CCND2: variants seen among roughly 807,000 people sequenced by gnomAD.
CCND2 encodes G1/S-specific cyclin-D2.
A neutral mutation model predicts 30.2 loss-of-function variants in CCND2; 6 were observed. The observed-to-expected ratio is 0.20, with a 90% CI of 0.11 to 0.39. The LOEUF is 0.39. Among genes scored for constraint, CCND2 ranks in the 10% least tolerant of loss-of-function variants. The probability of loss-of-function intolerance (pLI) is 1.00; values close to 1 mark genes in which losing one functional copy is unlikely to be tolerated. For missense variants in CCND2, 235 were observed against 373.4 expected, an observed-to-expected ratio of 0.63 and a Z score of 3.06; for synonymous variants, 150 against 153.1, an observed-to-expected ratio of 0.98 and a Z score of 0.15.
rs779391624 is a variant in CCND2, at chr12:4,278,889, G to A, written c.541G>A (p.Ala181Thr). The A allele has an allele frequency of 6.2e-7, 1 of 1,613,932 alleles. No homozygotes were observed. ...REKLSLIRKH[A>T]QTFIALCATD... ...GAAGCTGTCTCTGATCCGCAAGCAT[G>A]CTCAGACCTTCATTGCTCTGTGTGC... Residue 181 changes from alanine to threonine, a missense_variant, in exon 3 of 5, where the codon GCT becomes ACT. Coordinates refer to ENST00000261254, the MANE Select transcript of CCND2 (RefSeq NM_001759.4).
chr12:4,283,562 G>A (rs1863981757), intron 3 of CCND2, among the ~76,000 whole-genome samples: 1 of 152,242 alleles, frequency 6.6e-6, no homozygotes, highest in Non-Finnish European at 1.5e-5. Flanking sequence ...TGTAAAAGGA[G>A]ATGTTTGAAA....
chr12:4,289,825 C>A (rs960783093), intron 4 of CCND2, among the ~76,000 whole-genome samples: 1 of 152,128 alleles, frequency 6.6e-6, no homozygotes, highest in Non-Finnish European at 1.5e-5. Flanking sequence ...CAGCCAGGAG[C>A]GGGGTGGGCA....
At chr12:4,286,285 T>G (rs1430766006) in intron 3 of CCND2, among the ~76,000 whole-genome samples, 1 of 152,214 alleles carries the variant, frequency 6.6e-6, no homozygotes, top group Non-Finnish European at 1.5e-5. Context: ...ATTAATGAGT[T>G]GCAGCTAGAA....
chr12:4,290,639 C>T (rs1864087956), intron 4 of CCND2, among the ~76,000 whole-genome samples: 1 of 148,248 alleles, frequency 6.7e-6, no homozygotes, highest in African/African-American at 2.5e-5. Flanking sequence ...GATAGACCTG[C>T]TCTGATGGGC....
At position 4,304,299 on chromosome 12, in the gene CCND2, TG is replaced by T. The variant is rs1864288100; in HGVS notation, c.*4291del. 4.3e-6 allele frequency: 1 copy of T among 233,570 alleles called. No homozygotes were observed. The highest frequency in any genetic ancestry group is 8.5e-6 in the Non-Finnish European group (1 of 118,026). The allele number at this position is 233,570 out of a possible 1,614,324, so 14.5% of individuals were successfully genotyped here. On this transcript the variant is annotated 3_prime_UTR_variant, in exon 5 of 5. Transcript: ENST00000261254. This position sits in a 1 kb window ranked among gnomAD's most constrained non-coding sequence, Gnocchi z 6.2. ...CTTCTAAGCCAAAAGGATTCCTCTT[TG>T]TTTATCTCTGAGACAGTCCAACCTT...
rs1289134003 is a variant in CCND2 at position 4,285,211 on chromosome 12, C to G, written c.572-3631C>G. The G allele has an allele frequency of 6.0e-6, 5 of 827,014 alleles. No individual in the cohort carries two copies. Among genetic ancestry groups the G allele is most frequent in the Non-Finnish European group, 7.3e-6 (5 of 685,556 alleles). 51.2% of individuals were successfully genotyped at this position (827,014 alleles called of 1,614,324 possible). On this transcript the variant is annotated intron_variant, in intron 3 of 4. Coordinates refer to ENST00000261254, the MANE Select transcript of CCND2 (RefSeq NM_001759.4). This position sits in a 1 kb window ranked among gnomAD's most constrained non-coding sequence, Gnocchi z 4.1. ...CCATGCTGCCTGGAACAGGGAGGAG[C>G]ACATTGTCATGAGTCGATCAGAATG...
chr12:4,300,384 T>TA lies in CCND2; in HGVS notation c.*376dup, dbSNP rs1370202574. 69 of 255,178 alleles carry TA rather than the reference T, an allele frequency of 2.7e-4. No individual in the cohort carries two copies. Among genetic ancestry groups the TA allele is most frequent in the African/African-American group, 1.4e-3 (65 of 45,998 alleles). The allele number at this position is 255,178 out of a possible 1,614,324, so 15.8% of individuals were successfully genotyped here. A position where few individuals can be genotyped will look rare whatever the true frequency, so the allele number is the denominator to read the frequency against. ...TTTTTTCATGTTATGAGCTAGCACA[T>TA]ACACCCCCTTGTAGTATAATTTCAA... On this transcript the variant is annotated 3_prime_UTR_variant, in exon 5 of 5. Transcript: ENST00000261254.
rs1334737216 is a variant in CCND2, at chr12:4,304,284, A to G, written c.*4275A>G. 2 of 233,552 alleles carry G rather than the reference A, an allele frequency of 8.6e-6. No individual in the cohort carries two copies. Among genetic ancestry groups the G allele is most frequent in the East Asian group, 6.0e-5 (1 of 16,594 alleles). The allele number at this position is 233,552 out of a possible 1,614,324, so 14.5% of individuals were successfully genotyped here. A position where few individuals can be genotyped will look rare whatever the true frequency, so the allele number is the denominator to read the frequency against. On this transcript the variant is annotated 3_prime_UTR_variant, in exon 5 of 5. Transcript: ENST00000261254. The surrounding 1 kb of genome is among the most constrained non-coding windows in gnomAD (Gnocchi z 6.2). ...GAGTAAGCCAGTTGGCTTCTAAGCC[A>G]AAAGGATTCCTCTTTGTTTATCTCT...
chr12:4,291,744 G>C (rs1864103831), intron 4 of CCND2, among the ~76,000 whole-genome samples: 2 of 152,050 alleles, frequency 1.3e-5, no homozygotes, highest in Non-Finnish European at 2.9e-5. Flanking sequence ...AAAATGTATG[G>C]GCACGCAATG....
Position 4,275,632 on chromosome 12 carries a change from T to C in CCND2, c.196-373T>C, listed in dbSNP as rs1010126705. On this transcript the variant is annotated intron_variant, in intron 1 of 4. Coordinates refer to ENST00000261254, the MANE Select transcript of CCND2 (RefSeq NM_001759.4). The stretch of plus-strand genomic sequence containing the variant: ...CCCCGGAGCCTCCAGAATATTTTTA[T>C]TGATTTTTTGAAAAGATGACGAAAT... 8.6e-5 allele frequency among the ~76,000 whole-genome samples: 13 copies of C among 151,532 alleles called. No homozygotes were observed. The South Asian group carries it at 1.1e-3, about 12-fold the overall frequency.
chr12:4,304,118 A>G lies in CCND2; in HGVS notation c.*4109A>G, dbSNP rs1040871251. The G allele has an allele frequency of 1.3e-5, 3 of 233,306 alleles. No homozygotes were observed. Among genetic ancestry groups the G allele is most frequent in the Non-Finnish European group, 2.5e-5 (3 of 117,988 alleles). 14.5% of individuals were successfully genotyped at this position (233,306 alleles called of 1,614,324 possible). A position where few individuals can be genotyped will look rare whatever the true frequency, so the allele number is the denominator to read the frequency against. On this transcript the variant is annotated 3_prime_UTR_variant, in exon 5 of 5. Coordinates refer to ENST00000261254, the MANE Select transcript of CCND2 (RefSeq NM_001759.4). This position sits in a 1 kb window ranked among gnomAD's most constrained non-coding sequence, Gnocchi z 6.2. Reference sequence around the variant, plus strand: ...TGACTCTCTCCAAGAGGGCAGGGGAATTTTCTCTCCATGGGCCACAGGGGA... The same window carrying G: ...TGACTCTCTCCAAGAGGGCAGGGGAGTTTTCTCTCCATGGGCCACAGGGGA...
At position 4,293,627 on chromosome 12, in the gene CCND2, G is replaced by A. The variant is rs1247583937; in HGVS notation, c.720+4637G>A. Among the ~76,000 whole-genome samples the A allele has an allele frequency of 6.6e-6, 1 of 152,160 alleles. No individual in the cohort carries two copies. The highest frequency in any genetic ancestry group is 1.5e-5 in the Non-Finnish European group (1 of 68,032). ...GATATCCCTTCCTTAGGGTCATCCTGGCATTTTACGGTCCTGGTTATCAAT... is the reference window on the plus strand; with the variant it reads ...GATATCCCTTCCTTAGGGTCATCCTAGCATTTTACGGTCCTGGTTATCAAT... On this transcript the variant is annotated intron_variant, in intron 4 of 4. Coordinates refer to ENST00000261254, the MANE Select transcript of CCND2 (RefSeq NM_001759.4). This position sits in a 1 kb window ranked among gnomAD's most constrained non-coding sequence, Gnocchi z 4.9.
At chr12:4,288,201 A>G (rs931585632) in intron 3 of CCND2, among the ~76,000 whole-genome samples, 6 of 147,784 alleles carry the variant, frequency 4.1e-5, no homozygotes, top group African/African-American at 7.5e-5. Flanking sequence ...CACTCCCTGC[A>G]TTGCTGCTTC....
Position 4,296,450 on chromosome 12 carries a change from G to A in CCND2, c.721-3410G>A, listed in dbSNP as rs186382425. On this transcript the variant is annotated intron_variant, in intron 4 of 4. Coordinates refer to ENST00000261254, the MANE Select transcript of CCND2 (RefSeq NM_001759.4). ...CTCTTTAAAGGAACCGCATCGCTACGCCTAACGGGCATTTCTTTTTTAATG... is the reference window on the plus strand; with the variant it reads ...CTCTTTAAAGGAACCGCATCGCTACACCTAACGGGCATTTCTTTTTTAATG... Among the ~76,000 whole-genome samples, 125 of 152,382 alleles carry A rather than the reference G, an allele frequency of 8.2e-4. 1 individual carries two copies. Among genetic ancestry groups the A allele is most frequent in the African/African-American group, 2.7e-3 (111 of 41,588 alleles).
In CCND2 at chr12:4,274,182, CAGA is replaced by C; in HGVS notation, c.145_147del (p.Lys49del). ...GCAGTGCTCCTACTTCAAGTGCGTG[CAGA>C]AGGACATCCAACCCTACATGCGCAG... On this transcript the variant is annotated inframe_deletion, in exon 1 of 5. Transcript: ENST00000261254. This position sits in a 1 kb window ranked among gnomAD's most constrained non-coding sequence, Gnocchi z 7.7. 1 of 1,614,120 alleles carries C rather than the reference CAGA, an allele frequency of 6.2e-7. No individual in the cohort carries two copies. The highest frequency in any genetic ancestry group is 1.1e-5 in the South Asian group (1 of 91,090).
In CCND2 at chr12:4,273,824, G is replaced by A. The variant is rs1032153864; in HGVS notation, c.-217G>A. ...TTTTAAGGGGAGGACCGGTGCGAGT[G>A]AGGCAGCCCCGAGGCTCTGCTCGCC... On this transcript the variant is annotated 5_prime_UTR_variant, in exon 1 of 5. Coordinates refer to ENST00000261254, the MANE Select transcript of CCND2 (RefSeq NM_001759.4). The surrounding 1 kb of genome is among the most constrained non-coding windows in gnomAD (Gnocchi z 5.9). The A allele has an allele frequency of 1.7e-6, 1 of 595,340 alleles. No individual in the cohort carries two copies. Among genetic ancestry groups the A allele is most frequent in the East Asian group, 2.8e-5 (1 of 35,346 alleles). 36.9% of individuals were successfully genotyped at this position (595,340 alleles called of 1,614,324 possible).
chr12:4,280,459 G>A lies in CCND2; in HGVS notation c.571+1540G>A, dbSNP rs1002477610. Among the ~76,000 whole-genome samples the A allele has an allele frequency of 1.8e-4, 28 of 152,230 alleles. 1 individual carries two copies. The highest frequency in any genetic ancestry group is 6.3e-4 in the African/African-American group (26 of 41,458). ...CTGGATGCAGGCCAGGCCTCATGGC[G>A]TGCACATGCGCCCTGTGCCCCTTGG... On this transcript the variant is annotated intron_variant, in intron 3 of 4. Transcript: ENST00000261254.
intron 4 of CCND2, among the ~76,000 whole-genome samples, chr12:4,289,982 G>C (rs2120563735): frequency 6.6e-6 from 1 of 152,254 alleles, no homozygotes; most frequent in East Asian, 1.9e-4. Flanking sequence ...TTGGCCCTGA[G>C]CCCTCATGCA....
At position 4,298,246 on chromosome 12, in the gene CCND2, G is replaced by A. The variant is rs1004632978; in HGVS notation, c.721-1614G>A. On this transcript the variant is annotated intron_variant, in intron 4 of 4. Transcript: ENST00000261254. The stretch of plus-strand genomic sequence containing the variant: ...ACCCTTCCTCATTTCATTGTTCCAG[G>A]TGATATTTCGTCTCTGCCTTTGGCC... Among the ~76,000 whole-genome samples the A allele has an allele frequency of 5.9e-5, 9 of 152,272 alleles. No individual in the cohort carries two copies. The South Asian group carries it at 1.0e-3, about 18-fold the overall frequency.
Sources: allele counts gnomAD v4.1 joint callset (sites outside exome capture counted in the v4.1 genomes callset), GRCh38; gene constraint gnomAD v4.1.1; non-coding constraint Gnocchi (gnomAD v3.1); transcripts MANE v1.5; gene names NCBI Gene and HGNC (gene_info 2026-07-23, HGNC 2026-07-21).